Variants in PPP1R12A observed in about 807,000 individuals in gnomAD.
The protein encoded by PPP1R12A is myosin binding subunit.
Under a neutral mutation model 139.6 loss-of-function variants are expected in PPP1R12A, and 19 were observed. That is an observed-to-expected ratio of 0.14 (90% CI 0.09 to 0.20). The LOEUF is 0.20. Ranked by LOEUF, PPP1R12A falls within the 10% of genes least tolerant of loss-of-function variation. The probability of loss-of-function intolerance (pLI) is 1.00; values close to 1 mark genes in which losing one functional copy is unlikely to be tolerated. For missense variants in PPP1R12A, 925 were observed against 1,211.5 expected (o/e 0.76, Z 3.51); for synonymous variants, 427 against 420.6 (o/e 1.02, Z -0.19).
chr12:79,793,882 G>T lies in PPP1R12A; in HGVS notation c.2630C>A (p.Ser877Tyr). Residue 877 changes from serine to tyrosine, a missense_variant, in exon 19 of 25, where the codon TCC becomes TAC. Coordinates refer to ENST00000450142, the MANE Select transcript of PPP1R12A (RefSeq NM_002480.3). ...QEQQSDTEEGSNKKETQTDSI... is the reference protein window; with the variant it reads ...QEQQSDTEEGYNKKETQTDSI... ...ATTTACCTGAGTTTCTTTCTTATTG[G>T]ATCCCTCTTCTGTGTCTGATTGTTG... 3.1e-6 allele frequency: 5 copies of T among 1,591,412 alleles called. No homozygotes were observed. Among genetic ancestry groups the T allele is most frequent in the Non-Finnish European group, 4.3e-6 (5 of 1,168,844 alleles).
chr12:79,831,567 C>T (rs917776935), intron 4 of PPP1R12A, among the ~76,000 whole-genome samples: 6 of 152,122 alleles, frequency 3.9e-5, no homozygotes, highest in Admixed American at 2.6e-4. Flanking sequence ...ACTGCTTTTA[C>T]TAATGAGTGG....
intron 2 of PPP1R12A, among the ~76,000 whole-genome samples, chr12:79,861,456 T>C (rs1350148011): frequency 1.6e-4 from 25 of 152,172 alleles, no homozygotes; most frequent in Admixed American, 1.6e-3. Flanking sequence ...TCATTGGGAC[T>C]GGTTGGACAG....
At chr12:79,893,464 A>C (rs1423614751) in intron 1 of PPP1R12A, among the ~76,000 whole-genome samples, 3 of 152,202 alleles carry the variant, frequency 2.0e-5, no homozygotes, top group African/African-American at 7.2e-5. Context: ...AAAAGCAAGA[A>C]CCCATCTTAG....
At chr12:79,776,955 T>C (rs1313106430) in intron 24 of PPP1R12A, among the ~76,000 whole-genome samples, 4 of 152,082 alleles carry the variant, frequency 2.6e-5, no homozygotes, top group Non-Finnish European at 4.4e-5. Flanking sequence ...TAAAGCAAAA[T>C]CTTTAAGAAG....
rs550541162 is a variant in PPP1R12A at position 79,774,606 on chromosome 12, T to C, written c.*1323A>G. The C allele has an allele frequency of 2.1e-5, 3 of 143,544 alleles. No individual in the cohort carries two copies. Among genetic ancestry groups the C allele is most frequent in the South Asian group, 4.5e-4 (2 of 4,444 alleles). 8.9% of individuals were successfully genotyped at this position (143,544 alleles called of 1,614,324 possible). A position where few individuals can be genotyped will look rare whatever the true frequency, so the allele number is the denominator to read the frequency against. On this transcript the variant is annotated 3_prime_UTR_variant, in exon 25 of 25. Transcript: ENST00000450142. The stretch of plus-strand genomic sequence containing the variant: ...GTCCAAATAAAAGCCATCGTCACTA[T>C]GTACTTGGTTTTGCGCTTTTTTTTC...
At chr12:79,905,652 G>A (rs868674077) in intron 1 of PPP1R12A, among the ~76,000 whole-genome samples, 4 of 151,920 alleles carry the variant, frequency 2.6e-5, no homozygotes, top group East Asian at 1.9e-4. Flanking sequence ...TTCCAATTAC[G>A]CATATTTTTA....
intron 1 of PPP1R12A, among the ~76,000 whole-genome samples, chr12:79,877,585 G>A (rs145201611): frequency 8.3e-4 from 126 of 152,210 alleles, no homozygotes; most frequent in African/African-American, 2.9e-3. Flanking sequence ...GCACAATCTC[G>A]GCTCAATGCA....
intron 22 of PPP1R12A, among the ~76,000 whole-genome samples, chr12:79,783,115 C>T (rs1025675132): frequency 2.0e-5 from 3 of 151,786 alleles, no homozygotes; most frequent in Non-Finnish European, 4.4e-5. Context: ...TTTCTGGAAA[C>T]ATAAAAGTCA....
At chr12:79,923,012 C>A (rs1887562597) in intron 1 of PPP1R12A, among the ~76,000 whole-genome samples, 1 of 152,176 alleles carries the variant, frequency 6.6e-6, no homozygotes, top group Non-Finnish European at 1.5e-5. Context: ...CGATGGCTCA[C>A]ACCTGTAATC....
At position 79,781,820 on chromosome 12, in the gene PPP1R12A, T is replaced by C. The variant is rs1216934551; in HGVS notation, c.2950A>G (p.Lys984Glu). 5 of 1,528,426 alleles carry C rather than the reference T, an allele frequency of 3.3e-6. No homozygotes were observed. The highest frequency in any genetic ancestry group is 3.5e-6 in the Non-Finnish European group (4 of 1,130,370). The allele number at this position is 1,528,426 out of a possible 1,614,324, so 94.7% of individuals were successfully genotyped here. Residue 984 changes from lysine to glutamate, a missense_variant, in exon 23 of 25, where the codon AAA (lysine) becomes GAA (glutamate). Lys to Glu is a moderately conservative substitution (Grantham distance 56). This residue lies in a region of PPP1R12A where 315 missense variants were observed against 363.4 expected (regional missense o/e 0.87). Transcript: ENST00000450142. ...TTAATAAGTGGGACACTTACCCTTT[T>C]TTCCATTTCCAACAGTGATCTATCA... ...FADRSLLEME[K>E]RERRALERRI...
intron 4 of PPP1R12A, among the ~76,000 whole-genome samples, chr12:79,831,181 A>G (rs572077405): frequency 6.6e-6 from 1 of 151,912 alleles, no homozygotes; most frequent in East Asian, 1.9e-4. Flanking sequence ...GCAACTCACA[A>G]AAGTTTTGGA....
intron 1 of PPP1R12A, among the ~76,000 whole-genome samples, chr12:79,907,331 G>A (rs1452763879): frequency 1.3e-5 from 2 of 152,032 alleles, no homozygotes; most frequent in Admixed American, 6.6e-5. Flanking sequence ...AAGACAACTA[G>A]AAAGATAAAA....
At position 79,807,211 on chromosome 12, in the gene PPP1R12A, G is replaced by C; in HGVS notation, c.1655+15C>G. On this transcript the variant is annotated intron_variant, in intron 12 of 24. Transcript: ENST00000450142. ...AAATGAATACATAAAAACCGCTTAA[G>C]AATAGTATTATTACCTTTTATGATA... 1 of 1,413,222 alleles carries C rather than the reference G, an allele frequency of 7.1e-7. No individual in the cohort carries two copies. Among genetic ancestry groups the C allele is most frequent in the East Asian group, 2.5e-5 (1 of 39,522 alleles). 87.5% of individuals were successfully genotyped at this position (1,413,222 alleles called of 1,614,324 possible).
chr12:79,935,158 G>C (rs1422600843), upstream of PPP1R12A: 2 of 1,342,510 alleles, frequency 1.5e-6, no homozygotes, highest in South Asian at 1.9e-5. Flanking sequence ...CCCGCCCCCA[G>C]CACGGCCACC....
chr12:79,781,921 C>T (rs2136973994), intron 22 of PPP1R12A, 59 bp from the exon 23 acceptor site: 4 of 974,946 alleles, frequency 4.1e-6, no homozygotes, highest in Non-Finnish European at 6.2e-6. Flanking sequence ...GGGGTGACCA[C>T]AGTAATTCTC....
chr12:79,800,757 G>A (rs1170581805), intron 14 of PPP1R12A, among the ~76,000 whole-genome samples: 1 of 143,770 alleles, frequency 7.0e-6, no homozygotes, highest in South Asian at 2.2e-4. Context: ...TTTTTGAAAC[G>A]GAGTCTCGCT....
chr12:79,810,894 T>A (rs1874441891), intron 9 of PPP1R12A, among the ~76,000 whole-genome samples: 1 of 151,710 alleles, frequency 6.6e-6, no homozygotes, highest in African/African-American at 2.4e-5. Context: ...CTTTTTTTTT[T>A]AACATCACAG....
intron 19 of PPP1R12A, 33 bp downstream of exon 19, chr12:79,793,830 A>ATACT (rs772775449): frequency 6.8e-7 from 1 of 1,464,802 alleles, no homozygotes; most frequent in South Asian, 1.2e-5. Context: ...AAAAATATGA[A>ATACT]TACTTCTCAA....
intron 1 of PPP1R12A, among the ~76,000 whole-genome samples, chr12:79,889,492 G>A (rs1884399875): frequency 6.6e-6 from 1 of 152,176 alleles, no homozygotes; most frequent in Non-Finnish European, 1.5e-5. Flanking sequence ...GGGAGACACT[G>A]ACTGGGAAAT....
Sources: allele counts gnomAD v4.1 joint callset (sites outside exome capture counted in the v4.1 genomes callset), GRCh38; gene constraint gnomAD v4.1.1; regional missense constraint gnomAD v4.1.1; transcripts MANE v1.5; gene names NCBI Gene and HGNC (gene_info 2026-07-23, HGNC 2026-07-21).